SLC2A11: variants seen among roughly 807,000 people sequenced by gnomAD.
SLC2A11 encodes the protein solute carrier family 2, facilitated glucose transporter member 11.
In SLC2A11, 43 loss-of-function variants were observed where a neutral mutation model predicts 52.1. The observed-to-expected ratio is 0.82, with a 90% CI of 0.65 to 1.06. SLC2A11 has a LOEUF of 1.06. Among genes scored for constraint, SLC2A11 ranks in the 50% least tolerant of loss-of-function variants. The probability of loss-of-function intolerance (pLI) is 0.00; values close to 1 mark genes in which losing one functional copy is unlikely to be tolerated. For missense variants in SLC2A11, 582 were observed against 654.2 expected (o/e 0.89, Z 1.20); for synonymous variants, 261 against 277.6 (o/e 0.94, Z 0.59).
intron 2 of SLC2A11, chr22:23,868,172 T>C (rs1428917177): frequency 4.7e-5 from 20 of 422,138 alleles, no homozygotes; most frequent in Non-Finnish European, 6.1e-5. Flanking sequence ...TGGGAAAATA[T>C]CCACACATTT....
chr22:23,877,261 G>A, intron 5 of SLC2A11, 90 bp downstream of exon 5: 1 of 1,566,398 alleles, frequency 6.4e-7, no homozygotes, highest in Non-Finnish European at 8.7e-7. Context: ...CCCACTAGTA[G>A]ATTAAAGCAT....
At chr22:23,857,360 A>T (rs527540764), upstream of SLC2A11, 8 of 1,427,306 alleles carry the variant, frequency 5.6e-6, no homozygotes, top group African/African-American at 2.8e-5. Flanking sequence ...GGCACTTGCG[A>T]GGGCGAATGC....
intron 3 of SLC2A11, among the ~76,000 whole-genome samples, chr22:23,874,082 T>C (rs1304740465): frequency 2.6e-5 from 4 of 152,202 alleles, no homozygotes; most frequent in African/African-American, 9.7e-5. Context: ...ACATTTCCAA[T>C]GTCCCCTCCT....
rs568642223 is a variant in SLC2A11, at chr22:23,868,858, C to T, written c.290+217C>T. On this transcript the variant is annotated intron_variant, in intron 3 of 11. Coordinates refer to ENST00000316185, the MANE Select transcript of SLC2A11 (RefSeq NM_001024939.4). Reference sequence around the variant, plus strand: ...CTGTGCTACAAGAGAGGGAGGACTCCTGGTTTCTAATTTCATGTCTGCCAA... The same window carrying T: ...CTGTGCTACAAGAGAGGGAGGACTCTTGGTTTCTAATTTCATGTCTGCCAA... The T allele has an allele frequency of 7.7e-6, 4 of 516,946 alleles. No individual in the cohort carries two copies. In the Admixed American group the frequency reaches 9.7e-5, roughly 13 times the overall value. The allele number at this position is 516,946 out of a possible 1,614,324, so 32.0% of individuals were successfully genotyped here.
chr22:23,874,561 C>A (rs1000608881), intron 3 of SLC2A11, among the ~76,000 whole-genome samples: 1 of 152,036 alleles, frequency 6.6e-6, no homozygotes, highest in Non-Finnish European at 1.5e-5. Flanking sequence ...AAGCGACTCT[C>A]CTGCCTCAGT....
At chr22:23,880,217 C>A (rs1314325133) in intron 6 of SLC2A11, among the ~76,000 whole-genome samples, 3 of 137,602 alleles carry the variant, frequency 2.2e-5, no homozygotes, top group Non-Finnish European at 4.5e-5. Context: ...TGTGCCAGTG[C>A]ACACTGCACT....
At chr22:23,874,653 T>C (rs535334933) in intron 3 of SLC2A11, among the ~76,000 whole-genome samples, 29 of 152,154 alleles carry the variant, frequency 1.9e-4, no homozygotes, top group African/African-American at 4.3e-4. Flanking sequence ...GGTTTCTCCA[T>C]GTTGGTCAAG....
At chr22:23,867,925 C>A in intron 2 of SLC2A11, 1 of 331,528 alleles carries the variant, frequency 3.0e-6, no homozygotes, top group Non-Finnish European at 6.3e-6. Flanking sequence ...TCCTGAGTTT[C>A]GTGAGCCATT....
At chr22:23,876,360 C>G (rs1247244692) in intron 4 of SLC2A11, among the ~76,000 whole-genome samples, 1 of 152,132 alleles carries the variant, frequency 6.6e-6, no homozygotes, top group Non-Finnish European at 1.5e-5. Flanking sequence ...GACTCCTTGG[C>G]AATCAGCATA....
rs933960511 is a variant in SLC2A11 at position 23,857,989 on chromosome 22, C to T, written c.-11C>T. ...GGGACAGCAAGACCTCCGCTCAGGCCCCTCTTTCGAATGCTCCACGCCCTC... is the reference window on the plus strand; with the variant it reads ...GGGACAGCAAGACCTCCGCTCAGGCTCCTCTTTCGAATGCTCCACGCCCTC... On this transcript the variant is annotated 5_prime_UTR_variant, in exon 1 of 12. Transcript: ENST00000316185. 1.8e-5 allele frequency: 28 copies of T among 1,591,488 alleles called. No homozygotes were observed. The highest frequency in any genetic ancestry group is 2.4e-5 in the Non-Finnish European group (28 of 1,169,992).
intron 6 of SLC2A11, chr22:23,882,066 A>AC (rs2032823500): frequency 7.2e-6 from 2 of 277,328 alleles, no homozygotes; most frequent in Non-Finnish European, 1.4e-5. Flanking sequence ...GCAGAGAGAG[A>AC]AACACACACA....
chr22:23,863,653 C>G (rs1157018369), intron 2 of SLC2A11, among the ~76,000 whole-genome samples: 3 of 124,128 alleles, frequency 2.4e-5, no homozygotes, highest in Non-Finnish European at 4.8e-5. Context: ...GTCTTGCTCT[C>G]TCACCCAGGC....
chr22:23,882,177 CAG>C lies in SLC2A11; in HGVS notation c.695-279_695-278del, dbSNP rs1474415914. 118 of 438,276 alleles carry C rather than the reference CAG, an allele frequency of 2.7e-4. 1 individual carries two copies. The highest frequency in any genetic ancestry group is 2.4e-3 in the African/African-American group (86 of 35,310). 27.1% of individuals were successfully genotyped at this position (438,276 alleles called of 1,614,324 possible). A position where few individuals can be genotyped will look rare whatever the true frequency, so the allele number is the denominator to read the frequency against. On this transcript the variant is annotated intron_variant, in intron 6 of 11. Transcript: ENST00000316185. ...ACAGAGACAGAGAGATTGAGAGAGACAGAGGCAGAGAGAGAGAGAAACACACA... is the reference window on the plus strand; with the variant it reads ...ACAGAGACAGAGAGATTGAGAGAGACAGGCAGAGAGAGAGAGAAACACACA...
chr22:23,862,966 C>G (rs138366521), intron 2 of SLC2A11, among the ~76,000 whole-genome samples: 411 of 152,252 alleles, frequency 2.7e-3, no homozygotes, highest in African/African-American at 9.5e-3. Flanking sequence ...ATTAAGTTTC[C>G]GTGTTCAGCG....
intron 6 of SLC2A11, chr22:23,882,141 C>T (rs2032830188): frequency 2.2e-6 from 1 of 450,976 alleles, no homozygotes; most frequent in Non-Finnish European, 3.9e-6. Flanking sequence ...GAGAAACACA[C>T]ACACACAGAC....
intron 5 of SLC2A11, 135 bp downstream of exon 5, chr22:23,877,306 C>A: frequency 1.4e-6 from 2 of 1,436,730 alleles, no homozygotes; most frequent in South Asian, 1.2e-5. Context: ...ATCCTCTATC[C>A]ACATCTCTGC....
At chr22:23,879,101 C>G (rs2032719066) in intron 6 of SLC2A11, among the ~76,000 whole-genome samples, 1 of 152,080 alleles carries the variant, frequency 6.6e-6, no homozygotes, top group Admixed American at 6.5e-5. Context: ...CTGTCCCCTA[C>G]CCCCTATGAA....
chr22:23,858,289 C>T, intron 1 of SLC2A11: 1 of 633,100 alleles, frequency 1.6e-6, no homozygotes, highest in Non-Finnish European at 2.9e-6. Context: ...AATCCTCTGC[C>T]GATCAGCCCT....
At chr22:23,864,540 A>AGGAGTTTG (rs2032191584) in intron 2 of SLC2A11, among the ~76,000 whole-genome samples, 1 of 151,868 alleles carries the variant, frequency 6.6e-6, no homozygotes, top group East Asian at 1.9e-4. Flanking sequence ...GGCTGGTCTC[A>AGGAGTTTG]AACTCCTGAC....
Sources: gnomAD v4.1 joint callset for allele counts (sites outside exome capture counted in the v4.1 genomes callset) on GRCh38, gnomAD v4.1.1 for gene constraint, MANE v1.5 for transcripts, NCBI Gene and HGNC (gene_info 2026-07-23, HGNC 2026-07-21) for gene names.